CMC2: variants seen among roughly 807,000 people sequenced by gnomAD.
The protein encoded by CMC2 is C-X9-C motif containing 2.
In CMC2, 5 loss-of-function variants were observed where a neutral mutation model predicts 7.5. The ratio of observed to expected loss-of-function variants is 0.66; its 90% CI spans 0.35 to 1.40. CMC2 has a LOEUF of 1.40. CMC2 is among the 40% of genes most tolerant of loss of function. The pLI is 0.04. For missense variants in CMC2, 115 were observed against 92.3 expected, an observed-to-expected ratio of 1.25 and a Z score of -1.01; for synonymous variants, 37 against 31.4, an observed-to-expected ratio of 1.18 and a Z score of -0.60.
chr16:81,005,188 G>A (rs935703219), intron 1 of CMC2, among the ~76,000 whole-genome samples: 2 of 152,204 alleles, frequency 1.3e-5, no homozygotes, highest in Non-Finnish European at 2.9e-5. Context: ...CACCACTTCG[G>A]GAGGCCGAGG....
chr16:80,994,837 A>G (rs1343144520), intron 2 of CMC2, among the ~76,000 whole-genome samples: 3 of 152,210 alleles, frequency 2.0e-5, no homozygotes, highest in Non-Finnish European at 2.9e-5. Flanking sequence ...AAATAAAATG[A>G]TGTTTACACA....
Position 80,968,895 on chromosome 16 carries a change from T to G in CMC2, c.*7198A>C, listed in dbSNP as rs182942569. On this transcript the variant is annotated 3_prime_UTR_variant, in exon 4 of 4. Coordinates refer to ENST00000219400, the MANE Select transcript of CMC2 (RefSeq NM_020188.5). ...CACAATGGAAAAAGATGGAAGATAC[T>G]GAGTCTCTACGAGGAATGGTGTGAG... 8.5e-5 allele frequency: 13 copies of G among 152,332 alleles called. No homozygotes were observed. The East Asian group carries it at 2.5e-3, about 29-fold the overall frequency. 9.4% of individuals were successfully genotyped at this position (152,332 alleles called of 1,614,324 possible). A position where few individuals can be genotyped will look rare whatever the true frequency, so the allele number is the denominator to read the frequency against.
Position 81,006,856 on chromosome 16 carries a change from C to G in CMC2, c.-158G>C. 1.0e-6 allele frequency: 1 copy of G among 985,930 alleles called. No homozygotes were observed. The highest frequency in any genetic ancestry group is 4.7e-5 in the South Asian group (1 of 21,292). 61.1% of individuals were successfully genotyped at this position (985,930 alleles called of 1,614,324 possible). On this transcript the variant is annotated 5_prime_UTR_variant, in exon 1 of 4. Transcript: ENST00000219400. Reference sequence around the variant, plus strand: ...TGCCAGACGCCGAAACCCAGTGACGCCCTCCACCGCTCCACCGTGCTCCCG... The same window carrying G: ...TGCCAGACGCCGAAACCCAGTGACGGCCTCCACCGCTCCACCGTGCTCCCG...
At chr16:80,988,001 C>A (rs565006794) in intron 2 of CMC2, among the ~76,000 whole-genome samples, 1 of 151,508 alleles carries the variant, frequency 6.6e-6, no homozygotes, top group Non-Finnish European at 1.5e-5. Context: ...CACAGGAGAG[C>A]CTGTCTCTAG....
chr16:80,981,128 A>G (rs563917204), intron 3 of CMC2, among the ~76,000 whole-genome samples: 10 of 152,246 alleles, frequency 6.6e-5, no homozygotes, highest in African/African-American at 2.4e-4. Context: ...CTGAAAGGCA[A>G]AATTTTAGCC....
chr16:80,986,239 A>G (rs1739935358), intron 2 of CMC2, among the ~76,000 whole-genome samples: 1 of 152,034 alleles, frequency 6.6e-6, no homozygotes, highest in Non-Finnish European at 1.5e-5. Flanking sequence ...AATCCCAGCT[A>G]CTCGTGAGGC....
Position 80,971,564 on chromosome 16 carries a change from T to TTATATATATA in CMC2, c.*4519_*4528dup, listed in dbSNP as rs34839018. On this transcript the variant is annotated 3_prime_UTR_variant, in exon 4 of 4. Transcript: ENST00000219400. Reference sequence around the variant, plus strand: ...CTATGGATACTGACATACATACATTTTATATATATATATATATATATGTAT... The same window carrying TTATATATATA: ...CTATGGATACTGACATACATACATTTTATATATATATATATATATATATATATATATGTAT... 1 of 121,244 alleles carries TTATATATATA rather than the reference T, an allele frequency of 8.2e-6. No homozygotes were observed. Among genetic ancestry groups the TTATATATATA allele is most frequent in the South Asian group, 2.3e-4 (1 of 4,260 alleles). The allele number at this position is 121,244 out of a possible 1,614,324, so 7.5% of individuals were successfully genotyped here.
intron 2 of CMC2, chr16:80,988,503 C>T (rs1166359405): frequency 1.4e-6 from 1 of 691,730 alleles, no homozygotes; most frequent in Non-Finnish European, 2.6e-6. Context: ...CAAATAGTAA[C>T]ATTTCACCAA....
In CMC2 at chr16:81,006,701, G is replaced by A. The variant is rs944734782; in HGVS notation, c.-36+33C>T. ...GGGACCTGAGGAGGAACAACGGAACGCGTTCGGAACGGCCTGGACTCCCGA... is the reference window on the plus strand; with the variant it reads ...GGGACCTGAGGAGGAACAACGGAACACGTTCGGAACGGCCTGGACTCCCGA... On this transcript the variant is annotated intron_variant, in intron 1 of 3. Transcript: ENST00000219400. 1.5e-5 allele frequency: 15 copies of A among 985,074 alleles called. No homozygotes were observed. In the African/African-American group the frequency reaches 2.4e-4, roughly 16 times the overall value. 61.0% of individuals were successfully genotyped at this position (985,074 alleles called of 1,614,324 possible).
At chr16:80,992,217 T>G (rs1033581576) in intron 2 of CMC2, among the ~76,000 whole-genome samples, 50 of 152,312 alleles carry the variant, frequency 3.3e-4, no homozygotes, top group African/African-American at 1.1e-3. Flanking sequence ...AACAGCTGTA[T>G]AGTGCTCCAT....
rs1451123580 is a variant in CMC2, at chr16:80,975,356, G to C, written c.*737C>G. On this transcript the variant is annotated 3_prime_UTR_variant, in exon 4 of 4. Transcript: ENST00000219400. ...AGTCTGGGCACAGTGGCTCACGCTTGTAATCCCAACACTTTGGGAGGCTGA... is the reference window on the plus strand; with the variant it reads ...AGTCTGGGCACAGTGGCTCACGCTTCTAATCCCAACACTTTGGGAGGCTGA... 1.3e-5 allele frequency: 2 copies of C among 152,280 alleles called. No homozygotes were observed. Among genetic ancestry groups the C allele is most frequent in the African/African-American group, 2.4e-5 (1 of 41,452 alleles). 9.4% of individuals were successfully genotyped at this position (152,280 alleles called of 1,614,324 possible).
intron 1 of CMC2, among the ~76,000 whole-genome samples, chr16:81,005,559 C>A (rs899093698): frequency 6.6e-6 from 1 of 152,068 alleles, no homozygotes; most frequent in Non-Finnish European, 1.5e-5. Context: ...CGGTCGGGGA[C>A]GGCCTCCCCT....
At chr16:81,005,097 T>C (rs1001033493) in intron 1 of CMC2, among the ~76,000 whole-genome samples, 2 of 152,146 alleles carry the variant, frequency 1.3e-5, no homozygotes, top group African/African-American at 2.4e-5. Context: ...GAAACTGTTC[T>C]CCAGAAAAAA....
intron 2 of CMC2, among the ~76,000 whole-genome samples, chr16:80,995,874 T>C (rs1968377292): frequency 6.6e-6 from 1 of 152,038 alleles, no homozygotes; most frequent in Non-Finnish European, 1.5e-5. Flanking sequence ...ACAAAACTCA[T>C]CAAACTGTAT....
At chr16:80,995,185 T>C (rs564486653) in intron 2 of CMC2, among the ~76,000 whole-genome samples, 45 of 148,856 alleles carry the variant, frequency 3.0e-4, no homozygotes, top group African/African-American at 1.1e-3. Flanking sequence ...ATAGCAGCTT[T>C]ATCCAAAATA....
chr16:80,979,012 A>C (rs1185717995), intron 3 of CMC2, among the ~76,000 whole-genome samples: 5 of 151,776 alleles, frequency 3.3e-5, no homozygotes, highest in African/African-American at 9.7e-5. Flanking sequence ...ACCCGGGAGG[A>C]GGAGCTTGCA....
Position 80,994,724 on chromosome 16 carries a change from T to C in CMC2, c.81+2590A>G, listed in dbSNP as rs143685344. 2.9e-3 allele frequency among the ~76,000 whole-genome samples: 445 copies of C among 152,318 alleles called. 4 individuals are homozygous for C. Among genetic ancestry groups the C allele is most frequent in the African/African-American group, 0.01 (424 of 41,568 alleles). ...GTGGTGATGGACAGTGGTAGGAATGTAGAGTAGTATAAAATGGAAAACAGT... is the reference window on the plus strand; with the variant it reads ...GTGGTGATGGACAGTGGTAGGAATGCAGAGTAGTATAAAATGGAAAACAGT... On this transcript the variant is annotated intron_variant, in intron 2 of 3. Transcript: ENST00000219400.
At chr16:80,980,892 A>C (rs1307994514) in intron 3 of CMC2, 3 of 696,232 alleles carry the variant, frequency 4.3e-6, no homozygotes, top group East Asian at 5.4e-5. Flanking sequence ...GTCTCAAAAG[A>C]AAAAAGAAAA....
rs1414790456 is a variant in CMC2, at chr16:80,966,686, G to C, written c.*9407C>G. 2 of 152,054 alleles carry C rather than the reference G, an allele frequency of 1.3e-5. No homozygotes were observed. The highest frequency in any genetic ancestry group is 4.8e-5 in the African/African-American group (2 of 41,380). The allele number at this position is 152,054 out of a possible 1,614,324, so 9.4% of individuals were successfully genotyped here. On this transcript the variant is annotated 3_prime_UTR_variant, in exon 4 of 4. Coordinates refer to ENST00000219400, the MANE Select transcript of CMC2 (RefSeq NM_020188.5). ...TCTGGAGATGTAAAGTCAAAATATT[G>C]TATTTGAACAACACTTATAATCATT...
Sources: allele counts gnomAD v4.1 joint callset (sites outside exome capture counted in the v4.1 genomes callset), GRCh38; gene constraint gnomAD v4.1.1; transcripts MANE v1.5; gene names NCBI Gene and HGNC (gene_info 2026-07-23, HGNC 2026-07-21).